ADAMTS20: variants seen among roughly 807,000 people sequenced by gnomAD.
The protein encoded by ADAMTS20 is ADAM metallopeptidase with thrombospondin type 1 motif 20.
A neutral mutation model predicts 260.1 loss-of-function variants in ADAMTS20; 225 were observed. The observed-to-expected ratio is 0.87, with a 90% CI of 0.78 to 0.97. ADAMTS20 has a LOEUF of 0.97. Among genes scored for constraint, ADAMTS20 ranks in the 50% least tolerant of loss-of-function variants. ADAMTS20 has a pLI of 0.00. For synonymous variants in ADAMTS20, 802 were observed against 769.5 expected (o/e 1.04, Z -0.70); for missense variants, 2,400 against 2,337.7 (o/e 1.03, Z -0.55).
At position 43,518,866 on chromosome 12, in the gene ADAMTS20, C is replaced by T. The variant is rs528158362; in HGVS notation, c.613+13170G>A. ...AATCTGACAACTCTCTTACTCTCAG[C>T]CCTCACCTACAACTTACCTGTCAGC... On this transcript the variant is annotated intron_variant, in intron 3 of 38. Transcript: ENST00000389420. Among the ~76,000 whole-genome samples, 5 of 151,792 alleles carry T rather than the reference C, an allele frequency of 3.3e-5. No individual in the cohort carries two copies. In the South Asian group the frequency reaches 1.0e-3, roughly 32 times the overall value.
Position 43,493,243 on chromosome 12 carries a change from ATT to A in ADAMTS20, c.876_877del (p.Ile293LeufsTer23), listed in dbSNP as rs1474568804. 7.7e-6 allele frequency: 12 copies of A among 1,551,354 alleles called. No homozygotes were observed. The highest frequency in any genetic ancestry group is 1.0e-5 in the Non-Finnish European group (12 of 1,146,990). ...ATTTCCAATACTTGGATCTTTGTAG[ATT>A]GTTGCAACCTGCATGTAAAAAAAAT... On this transcript the variant is annotated frameshift_variant, in exon 5 of 39. Coordinates refer to ENST00000389420, the MANE Select transcript of ADAMTS20 (RefSeq NM_025003.5). LOFTEE classifies it high-confidence loss of function.
chr12:43,443,739 A>G lies in ADAMTS20; in HGVS notation c.2290+52T>C, dbSNP rs1162834133. On this transcript the variant is annotated intron_variant, in intron 16 of 38. Transcript: ENST00000389420. Reference sequence around the variant, plus strand: ...GAATTCACATCAACTACAGACTTCCATGAAATTGCACATAAGCCACATACT... The same window carrying G: ...GAATTCACATCAACTACAGACTTCCGTGAAATTGCACATAAGCCACATACT... The G allele has an allele frequency of 2.1e-6, 3 of 1,425,566 alleles. No individual in the cohort carries two copies. The African/African-American group carries it at 4.2e-5, about 20-fold the overall frequency. 88.3% of individuals were successfully genotyped at this position (1,425,566 alleles called of 1,614,324 possible). A position where few individuals can be genotyped will look rare whatever the true frequency, so the allele number is the denominator to read the frequency against.
At chr12:43,437,487 G>A (rs1941578979) in intron 18 of ADAMTS20, among the ~76,000 whole-genome samples, 1 of 152,094 alleles carries the variant, frequency 6.6e-6, no homozygotes, top group African/African-American at 2.4e-5. Flanking sequence ...GAATTAAAGA[G>A]AGGATCCACA....
At chr12:43,477,618 C>T (rs1481993458) in intron 7 of ADAMTS20, among the ~76,000 whole-genome samples, 12 of 152,124 alleles carry the variant, frequency 7.9e-5, no homozygotes, top group Admixed American at 7.9e-4. Context: ...TGATTTAGCA[C>T]ACATATGCAC....
intron 7 of ADAMTS20, among the ~76,000 whole-genome samples, chr12:43,482,053 T>G (rs766929730): frequency 2.0e-5 from 3 of 151,978 alleles, no homozygotes; most frequent in Non-Finnish European, 2.9e-5. Flanking sequence ...TGCAGCTGAT[T>G]TAGTGAGCAG....
intron 28 of ADAMTS20, among the ~76,000 whole-genome samples, chr12:43,407,727 GT>G (rs2137264961): frequency 6.6e-6 from 1 of 152,112 alleles, no homozygotes; most frequent in Admixed American, 6.5e-5. Context: ...TCAATAATAA[GT>G]TTTGATAAAG....
intron 11 of ADAMTS20, among the ~76,000 whole-genome samples, chr12:43,458,014 C>A (rs966205906): frequency 9.9e-5 from 15 of 152,210 alleles, no homozygotes; most frequent in African/African-American, 3.4e-4. Context: ...TGAGGGCATG[C>A]CCATGACATA....
intron 28 of ADAMTS20, among the ~76,000 whole-genome samples, chr12:43,400,035 CA>C (rs952847733): frequency 3.2e-4 from 49 of 152,094 alleles, no homozygotes; most frequent in Admixed American, 2.1e-3. Context: ...GTAGTAGCAT[CA>C]ATCTTACAAA....
intron 3 of ADAMTS20, among the ~76,000 whole-genome samples, chr12:43,505,505 T>C (rs2137453709): frequency 1.3e-5 from 2 of 152,322 alleles, no homozygotes; most frequent in Middle Eastern, 6.8e-3. Flanking sequence ...AAATACATTA[T>C]ACAAATTATC....
chr12:43,357,671 T>C (rs998557012), intron 37 of ADAMTS20, among the ~76,000 whole-genome samples: 3 of 152,204 alleles, frequency 2.0e-5, no homozygotes, highest in Non-Finnish European at 4.4e-5. Flanking sequence ...ATGTATCACA[T>C]ACAACATCAC....
intron 37 of ADAMTS20, among the ~76,000 whole-genome samples, chr12:43,361,653 T>C (rs1310189346): frequency 1.3e-5 from 2 of 152,114 alleles, no homozygotes; most frequent in East Asian, 1.9e-4. Flanking sequence ...CAAGATCTTA[T>C]AGGGAAAAAA....
chr12:43,513,400 C>T (rs562198391), intron 3 of ADAMTS20, among the ~76,000 whole-genome samples: 1 of 152,276 alleles, frequency 6.6e-6, no homozygotes, highest in South Asian at 2.1e-4. Context: ...CATGTTCATT[C>T]ACGAACTCAA....
chr12:43,399,349 G>A (rs2137252337), intron 28 of ADAMTS20, 116 bp from the exon 29 acceptor site: 2 of 918,678 alleles, frequency 2.2e-6, no homozygotes, highest in East Asian at 6.2e-5. Flanking sequence ...TTTTTATGAA[G>A]ATATGCTCTA....
In ADAMTS20 at chr12:43,490,413, C is replaced by T; in HGVS notation, c.1099G>A (p.Glu367Lys). Residue 367 changes from glutamate (E) to lysine (K), a missense_variant, in exon 7 of 39, where the codon GAG becomes AAG. By Grantham distance (56) the Glu-to-Lys change is moderately conservative (BLOSUM62 1). Transcript: ENST00000389420. ...ITREDICSSKEKCNMLGLSYL... is the reference protein window; with the variant it reads ...ITREDICSSKKKCNMLGLSYL... ...AACTTACCTAACATGTTACATTTCT[C>T]TTTAGATGAACAAATGTCTTCCCTT... 2 of 1,294,298 alleles carry T rather than the reference C, an allele frequency of 1.5e-6. No individual in the cohort carries two copies. Among genetic ancestry groups the T allele is most frequent in the Non-Finnish European group, 2.1e-6 (2 of 958,902 alleles). 80.2% of individuals were successfully genotyped at this position (1,294,298 alleles called of 1,614,324 possible).
intron 18 of ADAMTS20, among the ~76,000 whole-genome samples, chr12:43,434,929 C>G (rs999235716): frequency 5.9e-5 from 9 of 152,082 alleles, no homozygotes; most frequent in Admixed American, 3.3e-4. Flanking sequence ...CATCATTTCC[C>G]AGATACAGCT....
At chr12:43,546,546 C>A (rs1440787974) in intron 2 of ADAMTS20, among the ~76,000 whole-genome samples, 3 of 152,106 alleles carry the variant, frequency 2.0e-5, no homozygotes, top group Admixed American at 6.5e-5. Flanking sequence ...TCAATTCCAT[C>A]CTGACAAGTA....
chr12:43,463,849 A>G (rs993441862), intron 10 of ADAMTS20, among the ~76,000 whole-genome samples: 20 of 152,138 alleles, frequency 1.3e-4, no homozygotes, highest in Non-Finnish European at 2.9e-4. Flanking sequence ...GAATAAGTCT[A>G]CATTCCGGAA....
At chr12:43,469,019 T>A (rs985558259) in intron 7 of ADAMTS20, among the ~76,000 whole-genome samples, 6 of 152,136 alleles carry the variant, frequency 3.9e-5, no homozygotes, top group South Asian at 4.1e-4. Context: ...ATGAAGTGTT[T>A]TAACACATTA....
intron 29 of ADAMTS20, among the ~76,000 whole-genome samples, chr12:43,386,058 G>T (rs1212116431): frequency 6.6e-6 from 1 of 151,882 alleles, no homozygotes; most frequent in Non-Finnish European, 1.5e-5. Context: ...TTCTCTATTA[G>T]TCTGGCTAGC....
Sources: allele counts gnomAD v4.1 joint callset (sites outside exome capture counted in the v4.1 genomes callset), GRCh38; gene constraint gnomAD v4.1.1; transcripts MANE v1.5; gene names NCBI Gene and HGNC (gene_info 2026-07-23, HGNC 2026-07-21).